The following ALMS1 variants were observed in gnomAD, a reference collection of about 807,000 sequenced individuals.
ALMS1 encodes centrosome-associated protein ALMS1.
ALMS1 carries 271 observed loss-of-function variants against 352.2 expected under a neutral mutation model. The observed-to-expected ratio is 0.77, with a 90% CI of 0.70 to 0.85. The LOEUF is 0.85. ALMS1 is among the 40% of genes least tolerant of loss of function. ALMS1 has a pLI of 0.00. For missense variants in ALMS1, 5,445 were observed against 4,870.7 expected (o/e 1.12, Z -3.51); for synonymous variants, 1,865 against 1,761.2 (o/e 1.06, Z -1.48).
chr2:73,427,590 A>G (rs1486748439), intron 6 of ALMS1, among the ~76,000 whole-genome samples: 1 of 152,076 alleles, frequency 6.6e-6, no homozygotes, highest in Non-Finnish European at 1.5e-5. Context: ...TGCACCTATC[A>G]ACCTGTCATC....
intron 15 of ALMS1, among the ~76,000 whole-genome samples, chr2:73,568,757 T>C (rs766804415): frequency 3.3e-5 from 5 of 152,162 alleles, no homozygotes; most frequent in Non-Finnish European, 7.4e-5. Context: ...GAAAGAAATA[T>C]TTAAAAATAA....
intron 1 of ALMS1, among the ~76,000 whole-genome samples, chr2:73,396,635 G>A (rs1364860594): frequency 2.5e-5 from 3 of 119,630 alleles, no homozygotes; most frequent in African/African-American, 7.3e-5. Context: ...GGTCTATTCA[G>A]ATTGTCCATT....
chr2:73,575,742 A>G (rs1573033326), intron 16 of ALMS1, among the ~76,000 whole-genome samples: 3 of 152,076 alleles, frequency 2.0e-5, no homozygotes, highest in Middle Eastern at 3.2e-3. Context: ...TAGATACATG[A>G]TCTGCAAATA....
Position 73,573,404 on chromosome 2 carries a change from A to G in ALMS1, c.11527A>G (p.Thr3843Ala), listed in dbSNP as rs1351968480. 1 of 1,614,054 alleles carries G rather than the reference A, an allele frequency of 6.2e-7. No individual in the cohort carries two copies. The highest frequency in any genetic ancestry group is 1.1e-5 in the South Asian group (1 of 91,076). Residue 3843 changes from threonine (T) to alanine (A), a missense_variant, in exon 16 of 23, where the codon ACC (threonine) becomes GCC (alanine). Thr to Ala is a moderately conservative substitution (Grantham distance 58, BLOSUM62 0). Coordinates refer to ENST00000613296, the MANE Select transcript of ALMS1 (RefSeq NM_001378454.1). ...TCATCCCCTAGTGACTTCTGAGCACACCAGAAGGAGACACATCCAGGTACA... is the reference window on the plus strand; with the variant it reads ...TCATCCCCTAGTGACTTCTGAGCACGCCAGAAGGAGACACATCCAGGTACA... ...TGHPLVTSEH[T>A]RRRHIQVANH...
chr2:73,550,287 C>T lies in ALMS1; in HGVS notation c.9928C>T (p.Pro3310Ser), dbSNP rs775666186. The T allele has an allele frequency of 3.3e-5, 54 of 1,613,982 alleles. No homozygotes were observed. In the East Asian group the frequency reaches 1.1e-3, roughly 32 times the overall value. The change falls in exon 13 of 23, where the codon CCA (proline) becomes TCA (serine). Residue 3310 changes from proline (P) to serine (S), a missense_variant. By Grantham distance (74) the Pro-to-Ser change is moderately conservative (BLOSUM62 -1). Transcript: ENST00000613296. ...SHSGSNDAIA[P>S]DFPAQVLGTR... ...TGTAGGATCCAATGATGCCATTGCT[C>T]CAGACTTCCCAGCTCAGGTGCTAGG...
At chr2:73,542,224 C>T (rs1674200471) in intron 12 of ALMS1, among the ~76,000 whole-genome samples, 1 of 152,190 alleles carries the variant, frequency 6.6e-6, no homozygotes, top group East Asian at 1.9e-4. Context: ...ATTCGTAAAT[C>T]ACTAAATGTA....
intron 14 of ALMS1, 117 bp downstream of exon 14, chr2:73,557,471 T>G: frequency 7.6e-7 from 1 of 1,316,440 alleles, no homozygotes; most frequent in African/African-American, 1.5e-5. Context: ...TCTTCAGCTC[T>G]CTTCTATCTC....
intron 13 of ALMS1, among the ~76,000 whole-genome samples, chr2:73,555,404 A>G (rs1357893020): frequency 1.3e-5 from 2 of 152,234 alleles, no homozygotes; most frequent in African/African-American, 4.8e-5. Flanking sequence ...ACCAATGAAT[A>G]TATATCTGGA....
chr2:73,550,026 A>AT (rs1296202097), intron 12 of ALMS1, among the ~76,000 whole-genome samples: 2 of 151,912 alleles, frequency 1.3e-5, no homozygotes, highest in Non-Finnish European at 2.9e-5. Flanking sequence ...CGCCTGGCTA[A>AT]TTTTTGTATT....
chr2:73,491,245 G>A lies in ALMS1; in HGVS notation c.9286G>A (p.Glu3096Lys). Residue 3096 changes from glutamate (E) to lysine (K), a missense_variant, in exon 10 of 23, where the codon GAA becomes AAA. Glu to Lys is a moderately conservative substitution (Grantham distance 56). Coordinates refer to ENST00000613296, the MANE Select transcript of ALMS1 (RefSeq NM_001378454.1). ...ACATACTGTATCTTCGAGATCACTGGAACCAACCTCCAAATTATTGACCAG... is the reference window on the plus strand; with the variant it reads ...ACATACTGTATCTTCGAGATCACTGAAACCAACCTCCAAATTATTGACCAG... The part of the protein sequence containing the change: ...DLHTVSSRSL[E>K]PTSKLLTSKP... 2 of 1,614,054 alleles carry A rather than the reference G, an allele frequency of 1.2e-6. No homozygotes were observed. Among genetic ancestry groups the A allele is most frequent in the South Asian group, 1.1e-5 (1 of 91,050 alleles).
In ALMS1 at chr2:73,389,223, C is replaced by T. The variant is rs144439897; in HGVS notation, c.324+3031C>T. Among the ~76,000 whole-genome samples the T allele has an allele frequency of 4.0e-4, 61 of 151,970 alleles. No homozygotes were observed. In the East Asian group the frequency reaches 8.7e-3, roughly 22 times the overall value. On this transcript the variant is annotated intron_variant, in intron 1 of 22. Transcript: ENST00000613296. ...TGAGCATTTTTTCATGTTTTTTGGCCGCTCGTATGTCTTCTTTTGAGAAGT... is the reference window on the plus strand; with the variant it reads ...TGAGCATTTTTTCATGTTTTTTGGCTGCTCGTATGTCTTCTTTTGAGAAGT...
intron 9 of ALMS1, among the ~76,000 whole-genome samples, chr2:73,479,176 A>G (rs1371328210): frequency 1.3e-5 from 2 of 152,136 alleles, no homozygotes; most frequent in African/African-American, 4.8e-5. Flanking sequence ...TTTTGAAATA[A>G]TTGTAGTTTC....
intron 9 of ALMS1, among the ~76,000 whole-genome samples, chr2:73,465,703 C>A (rs1672323316): frequency 6.6e-6 from 1 of 151,158 alleles, no homozygotes; most frequent in Admixed American, 6.7e-5. Context: ...GAAGAGGAAA[C>A]CTACAAAATG....
intron 6 of ALMS1, among the ~76,000 whole-genome samples, chr2:73,429,482 C>T (rs971798230): frequency 1.3e-5 from 2 of 152,020 alleles, no homozygotes; most frequent in African/African-American, 2.4e-5. Context: ...GGGGTTTCAC[C>T]ATGTTGGACA....
At chr2:73,443,035 C>T (rs1395745282) in intron 7 of ALMS1, among the ~76,000 whole-genome samples, 1 of 152,186 alleles carries the variant, frequency 6.6e-6, no homozygotes, top group Non-Finnish European at 1.5e-5. Flanking sequence ...ATCACTTAAT[C>T]TCGTTGATTC....
rs1558679165 is a variant in ALMS1, at chr2:73,519,920, A to G, written c.9685A>G (p.Ile3229Val). Residue 3229 changes from isoleucine (I) to valine (V), a missense_variant, in exon 11 of 23, where the codon ATT becomes GTT. Coordinates refer to ENST00000613296, the MANE Select transcript of ALMS1 (RefSeq NM_001378454.1). ...TAATGCTGAAGATCGTGGACATGAA[A>G]TTATAGAGCCTGGTAACCAGAAGCT... Reference protein sequence around the residue: ...FINAEDRGHEIIEPGNQKLRK... With the variant: ...FINAEDRGHEVIEPGNQKLRK... The G allele has an allele frequency of 6.2e-7, 1 of 1,614,116 alleles. No homozygotes were observed. Among genetic ancestry groups the G allele is most frequent in the Non-Finnish European group, 8.5e-7 (1 of 1,179,992 alleles).
At chr2:73,550,128 G>T in intron 12 of ALMS1, 139 bp from the exon 13 acceptor site, 1 of 815,098 alleles carries the variant, frequency 1.2e-6, no homozygotes, top group Non-Finnish European at 1.9e-6. Flanking sequence ...CCAAAGTGCT[G>T]GGATTACAGG....
chr2:73,464,923 C>A (rs1380416028), intron 9 of ALMS1, among the ~76,000 whole-genome samples: 2 of 152,158 alleles, frequency 1.3e-5, no homozygotes, highest in Non-Finnish European at 2.9e-5. Flanking sequence ...GAACTACAAA[C>A]CACTGCTCAA....
At chr2:73,436,817 C>T (rs951578276) in intron 7 of ALMS1, among the ~76,000 whole-genome samples, 3 of 152,104 alleles carry the variant, frequency 2.0e-5, no homozygotes, top group Admixed American at 6.5e-5. Flanking sequence ...CTTTTCTTCC[C>T]TTTGAATATG....
Sources: gnomAD v4.1 joint callset for allele counts (sites outside exome capture counted in the v4.1 genomes callset) on GRCh38, gnomAD v4.1.1 for gene constraint, MANE v1.5 for transcripts, NCBI Gene and HGNC (gene_info 2026-07-23, HGNC 2026-07-21) for gene names.